EYS: variants seen among roughly 807,000 people sequenced by gnomAD.
EYS encodes the protein EGF-like photoreceptor maintenance factor, also known as protein eyes shut homolog.
A neutral mutation model predicts 282.1 loss-of-function variants in EYS; 250 were observed. The ratio of observed to expected loss-of-function variants is 0.89; its 90% confidence interval spans 0.80 to 0.98. The LOEUF (loss-of-function observed/expected upper bound fraction) is 0.98, where lower values mean the gene tolerates loss of function less well. EYS is among the 50% of genes least tolerant of loss of function. The pLI is 0.00. For missense variants in EYS, 4,016 were observed against 3,709.0 expected (o/e 1.08, Z -2.15); for synonymous variants, 1,355 against 1,282.9 (o/e 1.06, Z -1.20).
intron 29 of EYS, among the ~76,000 whole-genome samples, chr6:64,309,962 A>G (rs1313213287): frequency 2.6e-4 from 4 of 15,594 alleles, no homozygotes; most frequent in African/African-American, 6.3e-4. Context: ...AGACTCCATG[A>G]AAAAAAAAAA....
At chr6:65,222,540 C>T (rs1766496388) in intron 12 of EYS, among the ~76,000 whole-genome samples, 1 of 152,188 alleles carries the variant, frequency 6.6e-6, no homozygotes, top group Non-Finnish European at 1.5e-5. Flanking sequence ...ATAAATTACT[C>T]AGTCTCAGTA....
At chr6:65,638,578 G>C (rs981637495) in intron 2 of EYS, among the ~76,000 whole-genome samples, 1 of 152,186 alleles carries the variant, frequency 6.6e-6, no homozygotes, top group Non-Finnish European at 1.5e-5. Flanking sequence ...TCCAGACACA[G>C]GTGCCCACAG....
chr6:64,693,327 A>G (rs1004240942), intron 22 of EYS, among the ~76,000 whole-genome samples: 19 of 152,042 alleles, frequency 1.2e-4, no homozygotes, highest in African/African-American at 4.6e-4. Flanking sequence ...ATTGATCTGG[A>G]AAAATCGAAA....
chr6:64,261,489 A>G (rs1401880797), intron 30 of EYS, among the ~76,000 whole-genome samples: 6 of 152,144 alleles, frequency 3.9e-5, no homozygotes, highest in African/African-American at 1.4e-4. Context: ...TTTATTGTCC[A>G]GAACTTGCAC....
chr6:65,023,979 C>T (rs570151888), intron 13 of EYS, among the ~76,000 whole-genome samples: 6 of 152,096 alleles, frequency 3.9e-5, no homozygotes, highest in East Asian at 1.9e-4. Flanking sequence ...GAAAACAGAA[C>T]GTACTAGTCA....
At chr6:65,286,305 T>C (rs1033060394) in intron 12 of EYS, among the ~76,000 whole-genome samples, 5 of 151,770 alleles carry the variant, frequency 3.3e-5, no homozygotes, top group African/African-American at 1.2e-4. Flanking sequence ...TGTCTTTCTC[T>C]CACTTCTTTC....
At chr6:64,519,603 T>A (rs1411788987) in intron 26 of EYS, among the ~76,000 whole-genome samples, 1 of 151,832 alleles carries the variant, frequency 6.6e-6, no homozygotes, top group Non-Finnish European at 1.5e-5. Flanking sequence ...AGGCACTCAA[T>A]GACTTTTGAA....
rs138986789 is a variant in EYS, at chr6:64,306,557, G to A, written c.6191+413C>T. Among the ~76,000 whole-genome samples, 630 of 152,204 alleles carry A rather than the reference G, an allele frequency of 4.1e-3. 2 individuals are homozygous for A. The highest frequency in any genetic ancestry group is 6.7e-3 in the Non-Finnish European group (457 of 68,000). ...CAGAAGCAGAGTCTGAAAGAAATAC[G>A]TCTCCCATAATGGAAACTGAAGAAC... is the stretch of plus-strand genomic sequence containing the variant. On this transcript the variant is annotated intron_variant, in intron 30 of 42. Transcript: ENST00000503581.
intron 12 of EYS, among the ~76,000 whole-genome samples, chr6:65,128,608 G>A (rs539535292): frequency 6.6e-6 from 1 of 152,012 alleles, no homozygotes; most frequent in Admixed American, 6.6e-5. Context: ...CAGGAATACA[G>A]CTAACCAAGG....
chr6:64,286,251 C>A (rs1398523513), intron 30 of EYS, among the ~76,000 whole-genome samples: 2 of 152,082 alleles, frequency 1.3e-5, no homozygotes, highest in African/African-American at 4.8e-5. Context: ...TGACAAAGAA[C>A]CTGAGTTTTA....
At chr6:65,156,145 C>A (rs1764722911) in intron 12 of EYS, among the ~76,000 whole-genome samples, 1 of 150,984 alleles carries the variant, frequency 6.6e-6, no homozygotes, top group African/African-American at 2.4e-5. Flanking sequence ...AGACCTAGTG[C>A]CTAATTAGAT....
At chr6:64,089,537 A>G (rs1582252087) in intron 31 of EYS, among the ~76,000 whole-genome samples, 1 of 139,896 alleles carries the variant, frequency 7.1e-6, no homozygotes, top group Admixed American at 7.3e-5. Flanking sequence ...TATATAAATT[A>G]TACTAAACTT....
At chr6:65,484,204 A>G (rs1765707141) in intron 5 of EYS, among the ~76,000 whole-genome samples, 3 of 152,088 alleles carry the variant, frequency 2.0e-5, no homozygotes, top group Admixed American at 1.3e-4. Flanking sequence ...TGCTCAAGAT[A>G]GCACCAGTTT....
chr6:64,244,157 A>AT (rs1311192874), intron 30 of EYS, among the ~76,000 whole-genome samples: 1 of 152,090 alleles, frequency 6.6e-6, no homozygotes, highest in Non-Finnish European at 1.5e-5. Flanking sequence ...CTGGTATAGA[A>AT]TTTTTTACTT....
chr6:65,649,531 C>A (rs760819672), intron 1 of EYS, among the ~76,000 whole-genome samples: 1 of 152,106 alleles, frequency 6.6e-6, no homozygotes, highest in Admixed American at 6.5e-5. Context: ...TAAGTGATTT[C>A]ATAAGATAAG....
chr6:65,015,192 C>G (rs1037705276), intron 13 of EYS, among the ~76,000 whole-genome samples: 2 of 151,998 alleles, frequency 1.3e-5, no homozygotes, highest in Non-Finnish European at 2.9e-5. Context: ...TTAGTTACAG[C>G]CATTATAGGA....
intron 41 of EYS, among the ~76,000 whole-genome samples, chr6:63,761,908 A>G (rs1422808837): frequency 6.6e-6 from 1 of 152,038 alleles, no homozygotes; most frequent in Non-Finnish European, 1.5e-5. Flanking sequence ...TAGAAATACC[A>G]TTATCCCTTA....
At chr6:64,975,934 T>G (rs1408069555) in intron 14 of EYS, among the ~76,000 whole-genome samples, 4 of 151,914 alleles carry the variant, frequency 2.6e-5, no homozygotes, top group African/African-American at 9.7e-5. Context: ...GCTAATTTGA[T>G]AAAACATTTT....
chr6:63,727,691 C>T (rs111366936), intron 41 of EYS, among the ~76,000 whole-genome samples: 18 of 81,738 alleles, frequency 2.2e-4, no homozygotes, highest in Non-Finnish European at 3.0e-4. Context: ...AGCAACATGG[C>T]GAAACACCAT....
Sources: gnomAD v4.1 joint callset for allele counts (sites outside exome capture counted in the v4.1 genomes callset) on GRCh38, gnomAD v4.1.1 for gene constraint, MANE v1.5 for transcripts, NCBI Gene and HGNC (gene_info 2026-07-23, HGNC 2026-07-21) for gene names.